COL19A1: variants seen among roughly 807,000 people sequenced by gnomAD.
COL19A1 encodes the protein collagen alpha-1(XIX) chain.
COL19A1 carries 159 observed loss-of-function variants against 190.2 expected under a neutral mutation model. The ratio of observed to expected loss-of-function variants is 0.84; its 90% CI spans 0.73 to 0.95. The LOEUF is 0.95. Ranked by LOEUF, COL19A1 falls within the 40% of genes least tolerant of loss-of-function variation. COL19A1 has a pLI of 0.00. For missense variants in COL19A1, 1,418 were observed against 1,431.9 expected (o/e 0.99, Z 0.16); for synonymous variants, 509 against 458.9 (o/e 1.11, Z -1.39).
intron 14 of COL19A1, among the ~76,000 whole-genome samples, chr6:70,045,312 C>CAAA (rs34047162): frequency 1.9e-4 from 13 of 68,878 alleles, no homozygotes; most frequent in Non-Finnish European, 1.9e-4. Flanking sequence ...GACTCTGTCT[C>CAAA]AAAAAAAAAA....
At chr6:69,953,496 C>T (rs1433652971) in intron 9 of COL19A1, among the ~76,000 whole-genome samples, 1 of 151,940 alleles carries the variant, frequency 6.6e-6, no homozygotes, top group African/African-American at 2.4e-5. Flanking sequence ...TATCTATAGA[C>T]ATATATTGAT....
At chr6:70,167,794 C>G (rs1279064115) in intron 37 of COL19A1, among the ~76,000 whole-genome samples, 1 of 152,170 alleles carries the variant, frequency 6.6e-6, no homozygotes, top group Admixed American at 6.5e-5. Context: ...TGAAAGTATC[C>G]GTGTGCTTCA....
chr6:69,881,318 A>C (rs1236878141), intron 2 of COL19A1, among the ~76,000 whole-genome samples: 2 of 152,174 alleles, frequency 1.3e-5, no homozygotes, highest in Admixed American at 6.5e-5. Context: ...TTTTATGCCA[A>C]GGTTACCTTT....
At chr6:69,945,771 CAGAT>C (rs1216507189) in intron 9 of COL19A1, among the ~76,000 whole-genome samples, 1 of 151,900 alleles carries the variant, frequency 6.6e-6, no homozygotes, top group Non-Finnish European at 1.5e-5. Context: ...CTGAAATTAA[CAGAT>C]AGTATCATTA....
chr6:69,961,108 T>A (rs534539426), intron 10 of COL19A1, among the ~76,000 whole-genome samples: 2 of 152,318 alleles, frequency 1.3e-5, no homozygotes, highest in South Asian at 4.1e-4. Flanking sequence ...TGATGTAATA[T>A]TAGATGCCCA....
chr6:69,956,783 A>G (rs1582518464), intron 9 of COL19A1, among the ~76,000 whole-genome samples: 1 of 152,228 alleles, frequency 6.6e-6, no homozygotes, highest in East Asian at 1.9e-4. Flanking sequence ...ATAAATATGA[A>G]CTAATGAATG....
At chr6:69,892,834 C>A (rs1386436535) in intron 2 of COL19A1, among the ~76,000 whole-genome samples, 3 of 152,212 alleles carry the variant, frequency 2.0e-5, no homozygotes, top group African/African-American at 7.2e-5. Context: ...GGGAAGCATA[C>A]CCTTCCAGTC....
intron 18 of COL19A1, among the ~76,000 whole-genome samples, chr6:70,134,352 A>T (rs1435067496): frequency 2.0e-5 from 3 of 152,184 alleles, no homozygotes; most frequent in Non-Finnish European, 2.9e-5. Context: ...GATACACAGG[A>T]TGTTTAGATA....
chr6:69,977,102 A>G (rs1282368249), intron 11 of COL19A1, among the ~76,000 whole-genome samples: 1 of 152,208 alleles, frequency 6.6e-6, no homozygotes, highest in Non-Finnish European at 1.5e-5. Context: ...TGCTATAAAG[A>G]CACATGCGCA....
At chr6:70,040,536 A>G (rs962297428) in intron 14 of COL19A1, among the ~76,000 whole-genome samples, 5 of 152,224 alleles carry the variant, frequency 3.3e-5, no homozygotes, top group Admixed American at 2.6e-4. Context: ...GCAGTTTCAA[A>G]TGCAGTTTGC....
chr6:70,136,669 C>A (rs1785894077), intron 18 of COL19A1, among the ~76,000 whole-genome samples: 1 of 151,850 alleles, frequency 6.6e-6, no homozygotes. Context: ...AGAGTGGCTC[C>A]CTCTGGGTGG....
chr6:70,066,508 T>A (rs1182545990), intron 14 of COL19A1, among the ~76,000 whole-genome samples: 3 of 151,980 alleles, frequency 2.0e-5, no homozygotes, highest in African/African-American at 7.2e-5. Flanking sequence ...AATAATGAGT[T>A]AATGGGTGCA....
chr6:69,937,022 G>A, intron 8 of COL19A1, 112 bp downstream of exon 8: 1 of 1,408,866 alleles, frequency 7.1e-7, no homozygotes. Context: ...GTTTGTTGAA[G>A]TAAATACCTC....
chr6:69,902,039 T>C (rs1179418704), intron 4 of COL19A1, among the ~76,000 whole-genome samples: 2 of 152,230 alleles, frequency 1.3e-5, no homozygotes, highest in Non-Finnish European at 2.9e-5. Flanking sequence ...GGGTAATCAA[T>C]GTAAGTGAAT....
intron 5 of COL19A1, 141 bp from the exon 6 acceptor site, chr6:69,929,284 C>A: frequency 1.3e-6 from 1 of 795,434 alleles, no homozygotes; most frequent in Non-Finnish European, 1.9e-6. Context: ...TTTAACAAAC[C>A]TGGTGGACAC....
intron 42 of COL19A1, among the ~76,000 whole-genome samples, chr6:70,179,160 C>T (rs1442240490): frequency 6.6e-6 from 1 of 152,206 alleles, no homozygotes; most frequent in East Asian, 1.9e-4. Context: ...TCTCTAACTT[C>T]TGCCTGCCTA....
chr6:69,974,754 T>C (rs1775614272), intron 11 of COL19A1, among the ~76,000 whole-genome samples: 1 of 151,974 alleles, frequency 6.6e-6, no homozygotes, highest in African/African-American at 2.4e-5. Flanking sequence ...TCTGATTATA[T>C]GTTCTTGCAA....
intron 1 of COL19A1, among the ~76,000 whole-genome samples, chr6:69,873,018 G>A (rs901733057): frequency 3.9e-5 from 6 of 152,128 alleles, no homozygotes; most frequent in Non-Finnish European, 7.4e-5. Flanking sequence ...CCAGGCTTTG[G>A]GATTATTCTA....
chr6:70,029,267 A>T (rs1778897224), intron 12 of COL19A1, among the ~76,000 whole-genome samples: 1 of 152,166 alleles, frequency 6.6e-6, no homozygotes, highest in Non-Finnish European at 1.5e-5. Context: ...AATTTTAAAG[A>T]TATGATATCC....
Sources: gnomAD v4.1 joint callset for allele counts (sites outside exome capture counted in the v4.1 genomes callset) on GRCh38, gnomAD v4.1.1 for gene constraint, MANE v1.5 for transcripts, NCBI Gene and HGNC (gene_info 2026-07-23, HGNC 2026-07-21) for gene names.